The following PPFIBP2 variants were observed in gnomAD, a reference collection of about 807,000 sequenced individuals.
PPFIBP2 encodes the protein liprin-beta-2.
Under a neutral mutation model 118.3 loss-of-function variants are expected in PPFIBP2, and 118 were observed. The ratio of observed to expected loss-of-function variants is 1.00; its 90% CI spans 0.86 to 1.16. The LOEUF (loss-of-function observed/expected upper bound fraction) is 1.16, where lower values mean the gene tolerates loss of function less well. Ranked by LOEUF, PPFIBP2 falls within the 50% of genes most tolerant of loss-of-function variation. PPFIBP2 has a pLI of 0.00. For synonymous variants in PPFIBP2, 414 were observed against 397.4 expected (o/e 1.04, Z -0.50); for missense variants, 1,195 against 1,073.1 (o/e 1.11, Z -1.59).
At chr11:7,622,619 T>G (rs1358842283) in intron 7 of PPFIBP2, among the ~76,000 whole-genome samples, 1 of 152,246 alleles carries the variant, frequency 6.6e-6, no homozygotes, top group Non-Finnish European at 1.5e-5. Context: ...ATGAAATGGA[T>G]GTACAGAGAG....
At chr11:7,578,755 C>T (rs150028563) in intron 3 of PPFIBP2, among the ~76,000 whole-genome samples, 1 of 152,002 alleles carries the variant, frequency 6.6e-6, no homozygotes, top group South Asian at 2.1e-4. Flanking sequence ...AATTATACTT[C>T]GCTGAAAACT....
rs142769283 is a variant in PPFIBP2 at position 7,578,229 on chromosome 11, T to A, written c.279+12462T>A. Among the ~76,000 whole-genome samples the A allele has an allele frequency of 1.2e-3, 179 of 152,290 alleles. 2 individuals carry two copies. The highest frequency in any genetic ancestry group is 3.7e-3 in the Admixed American group (56 of 15,310). On this transcript the variant is annotated intron_variant, in intron 3 of 23. Coordinates refer to ENST00000299492, the MANE Select transcript of PPFIBP2 (RefSeq NM_003621.5). ...GGTATGAGCAAGGAATGAACGGACG[T>A]TGGGGGCTGGAGTAGCATCATACTC...
intron 17 of PPFIBP2, among the ~76,000 whole-genome samples, chr11:7,644,944 G>A (rs1269142136): frequency 5.6e-5 from 8 of 142,038 alleles, no homozygotes; most frequent in African/African-American, 1.6e-4. Context: ...GGAGAATGGC[G>A]TGAACCCGGG....
intron 23 of PPFIBP2, 102 bp from the exon 24 acceptor site, chr11:7,652,922 C>G (rs568391387): frequency 1.5e-6 from 2 of 1,326,754 alleles, no homozygotes; most frequent in East Asian, 2.3e-5. Flanking sequence ...TTACATTATT[C>G]CTCTCCTTGA....
intron 13 of PPFIBP2, among the ~76,000 whole-genome samples, chr11:7,635,062 G>A (rs1851274485): frequency 6.6e-6 from 1 of 152,188 alleles, no homozygotes; most frequent in Admixed American, 6.5e-5. Flanking sequence ...GGAGGGTCTT[G>A]TGGCTCCTTA....
intron 7 of PPFIBP2, among the ~76,000 whole-genome samples, chr11:7,621,911 C>G (rs1054129969): frequency 2.0e-5 from 3 of 152,182 alleles, no homozygotes; most frequent in African/African-American, 7.2e-5. Context: ...ATAACACACA[C>G]TATAGAGAAT....
At chr11:7,654,717 T>A (rs1409102045), downstream of PPFIBP2, among the ~76,000 whole-genome samples, 1 of 152,224 alleles carries the variant, frequency 6.6e-6, no homozygotes, top group Non-Finnish European at 1.5e-5. Context: ...GCAGGCTTTG[T>A]CCCTTGTTTC....
intron 1 of PPFIBP2, among the ~76,000 whole-genome samples, chr11:7,526,642 G>A (rs1003052145): frequency 2.6e-5 from 4 of 152,116 alleles, no homozygotes; most frequent in African/African-American, 9.7e-5. Context: ...GAGGCCGAGG[G>A]TGGGCAGATC....
At chr11:7,624,238 G>A (rs1224636748) in intron 7 of PPFIBP2, among the ~76,000 whole-genome samples, 1 of 152,132 alleles carries the variant, frequency 6.6e-6, no homozygotes, top group Non-Finnish European at 1.5e-5. Context: ...GGCAGGCCAG[G>A]GTTTGCATCC....
intron 6 of PPFIBP2, among the ~76,000 whole-genome samples, chr11:7,617,826 T>TC (rs1428224184): frequency 3.3e-5 from 5 of 152,064 alleles, no homozygotes; most frequent in Admixed American, 6.5e-5. Flanking sequence ...CCAGGAAAAA[T>TC]CCCCCCCACA....
chr11:7,608,348 C>G (rs937225769), intron 5 of PPFIBP2, among the ~76,000 whole-genome samples: 1 of 152,166 alleles, frequency 6.6e-6, no homozygotes. Flanking sequence ...TGTTTGAACA[C>G]TAACTCTGCT....
At chr11:7,514,604 T>A (rs529835565) in intron 1 of PPFIBP2, among the ~76,000 whole-genome samples, 4 of 152,316 alleles carry the variant, frequency 2.6e-5, no homozygotes, top group African/African-American at 9.6e-5. Context: ...CTAAAGCCAG[T>A]TCTGTAGTGT....
At chr11:7,561,454 C>G (rs1854287053) in intron 2 of PPFIBP2, among the ~76,000 whole-genome samples, 1 of 152,150 alleles carries the variant, frequency 6.6e-6, no homozygotes. Context: ...GTTTATTGTT[C>G]TTTTATGTCT....
rs142551385 is a variant in PPFIBP2 at position 7,643,538 on chromosome 11, C to T, written c.1646+1112C>T. Among the ~76,000 whole-genome samples the T allele has an allele frequency of 2.6e-4, 39 of 152,244 alleles. No individual in the cohort carries two copies. The East Asian group carries it at 6.7e-3, about 26-fold the overall frequency. Reference sequence around the variant, plus strand: ...TCAAATGTCTTTGTGCTTTATGAACCGTAACAGTGGATGAGAAAGGGAAGA... The same window carrying T: ...TCAAATGTCTTTGTGCTTTATGAACTGTAACAGTGGATGAGAAAGGGAAGA... On this transcript the variant is annotated intron_variant, in intron 17 of 23. Coordinates refer to ENST00000299492, the MANE Select transcript of PPFIBP2 (RefSeq NM_003621.5).
intron 15 of PPFIBP2, among the ~76,000 whole-genome samples, chr11:7,640,783 G>A (rs888422808): frequency 6.6e-6 from 1 of 152,184 alleles, no homozygotes; most frequent in Non-Finnish European, 1.5e-5. Context: ...TTCCCTGGGT[G>A]TGGACACCTC....
intron 3 of PPFIBP2, chr11:7,571,977 T>C (rs771282782): frequency 1.3e-5 from 2 of 152,222 alleles, no homozygotes; most frequent in African/African-American, 4.8e-5. Flanking sequence ...CCTCTCATTA[T>C]TGAAACTGCT....
Position 7,635,551 on chromosome 11 carries a change from G to C in PPFIBP2, c.1195-1G>C. ...AACGAAATCCTCATGTTACTCCATA[G>C]TGTATGGATGGGAACCAGCCCTTCC... On this transcript the variant is annotated splice_acceptor_variant, in intron 13 of 23. Transcript: ENST00000299492. LOFTEE classifies it high-confidence loss of function. 1 of 1,608,506 alleles carries C rather than the reference G, an allele frequency of 6.2e-7. No individual in the cohort carries two copies. Among genetic ancestry groups the C allele is most frequent in the Non-Finnish European group, 8.5e-7 (1 of 1,174,826 alleles).
downstream of PPFIBP2, among the ~76,000 whole-genome samples, chr11:7,654,538 C>T (rs1304295453): frequency 6.6e-6 from 1 of 152,244 alleles, no homozygotes; most frequent in Non-Finnish European, 1.5e-5. Flanking sequence ...TACCAGCAGC[C>T]TCAGGCATGG....
chr11:7,612,847 T>C (rs1003501847), intron 6 of PPFIBP2, among the ~76,000 whole-genome samples: 4 of 152,250 alleles, frequency 2.6e-5, no homozygotes, highest in Admixed American at 6.5e-5. Flanking sequence ...ACAGAACTTC[T>C]ACCTCTATTT....
Sources: gnomAD v4.1 joint callset for allele counts (sites outside exome capture counted in the v4.1 genomes callset) on GRCh38, gnomAD v4.1.1 for gene constraint, MANE v1.5 for transcripts, NCBI Gene and HGNC (gene_info 2026-07-23, HGNC 2026-07-21) for gene names.